RAPGEF3: variants seen among roughly 807,000 people sequenced by gnomAD.
The protein encoded by RAPGEF3 is Rap guanine nucleotide exchange factor 3, also known as 9330170P05Rik.
In RAPGEF3, 103 loss-of-function variants were observed where a neutral mutation model predicts 129.8. The ratio of observed to expected loss-of-function variants is 0.79; its 90% confidence interval spans 0.68 to 0.93. The LOEUF (loss-of-function observed/expected upper bound fraction) is 0.93, where lower values mean the gene tolerates loss of function less well. RAPGEF3 is among the 40% of genes least tolerant of loss of function. The pLI is 0.00. For missense variants in RAPGEF3, 1,117 were observed against 1,207.4 expected (o/e 0.93, Z 1.11); for synonymous variants, 436 against 482.6 (o/e 0.90, Z 1.26).
At chr12:47,755,346 A>C (rs768728216) in intron 2 of RAPGEF3, among the ~76,000 whole-genome samples, 1 of 152,220 alleles carries the variant, frequency 6.6e-6, no homozygotes, top group South Asian at 2.1e-4. Context: ...ACCTCTTTCA[A>C]TAATGTCTGG....
chr12:47,744,400 C>A, intron 16 of RAPGEF3: 1 of 327,816 alleles, frequency 3.1e-6, no homozygotes, highest in Non-Finnish European at 5.7e-6. Flanking sequence ...CTCCAGCTAC[C>A]ATTTGCTACA....
intron 21 of RAPGEF3, 21 bp downstream of exon 21, chr12:47,740,621 A>G (rs768817659): frequency 1.2e-6 from 2 of 1,612,238 alleles, no homozygotes; most frequent in South Asian, 2.2e-5. Context: ...GCCACGCCCT[A>G]CCCACTGGAC....
rs770668800 is a variant in RAPGEF3, at chr12:47,749,338, A to G, written c.1041+52T>C. 1.2e-5 allele frequency: 20 copies of G among 1,602,062 alleles called. No individual in the cohort carries two copies. The highest frequency in any genetic ancestry group is 1.7e-5 in the Non-Finnish European group (20 of 1,177,242). ...CTCTGGTCCCTACTCCTCTCTCCAC[A>G]TCACTTCTCTGGACGAATGGCCCCT... On this transcript the variant is annotated intron_variant, in intron 10 of 27. Transcript: ENST00000449771. The surrounding 1 kb of genome is among the most constrained non-coding windows in gnomAD (Gnocchi z 4.5).
At chr12:47,758,389 T>G in intron 1 of RAPGEF3, 162 bp downstream of exon 1, 3 of 1,519,202 alleles carry the variant, frequency 2.0e-6, no homozygotes, top group Non-Finnish European at 2.7e-6. Context: ...TATGAAGCTA[T>G]AGATTCACTA....
chr12:47,758,600 G>C lies in RAPGEF3; in HGVS notation c.-44C>G. 1 of 1,612,548 alleles carries C rather than the reference G, an allele frequency of 6.2e-7. No individual in the cohort carries two copies. The highest frequency in any genetic ancestry group is 1.3e-5 in the African/African-American group (1 of 74,980). On this transcript the variant is annotated 5_prime_UTR_variant, in exon 1 of 28. Transcript: ENST00000449771. Reference sequence around the variant, plus strand: ...ACAGCCGTGCAGGCTCTAGCAAAAGGCTGGGGGGTCCCCAGCGACCCCCAT... The same window carrying C: ...ACAGCCGTGCAGGCTCTAGCAAAAGCCTGGGGGGTCCCCAGCGACCCCCAT...
At position 47,747,624 on chromosome 12, in the gene RAPGEF3, TTTC is replaced by T; in HGVS notation, c.1474-1_1475del. 1 of 1,613,090 alleles carries T rather than the reference TTTC, an allele frequency of 6.2e-7. No individual in the cohort carries two copies. Among genetic ancestry groups the T allele is most frequent in the Non-Finnish European group, 8.5e-7 (1 of 1,179,540 alleles). On this transcript the variant is annotated splice_acceptor_variant and coding_sequence_variant, in exon 15 of 28. Coordinates refer to ENST00000449771, the MANE Select transcript of RAPGEF3 (RefSeq NM_001098531.4). LOFTEE classifies it high-confidence loss of function. Reference sequence around the variant, plus strand: ...TGTCCCTGCCCACCAGGTCTGAGAGTTTCTAAGAAGAGCCAAGATTCACTGAGA... The same window carrying T: ...TGTCCCTGCCCACCAGGTCTGAGAGTTAAGAAGAGCCAAGATTCACTGAGA...
rs1248520768 is a variant in RAPGEF3 at position 47,736,146 on chromosome 12, G to A, written c.*1421C>T. 3 of 152,284 alleles carry A rather than the reference G, an allele frequency of 2.0e-5. No individual in the cohort carries two copies. Among genetic ancestry groups the A allele is most frequent in the Admixed American group, 2.0e-4 (3 of 15,292 alleles). 9.4% of individuals were successfully genotyped at this position (152,284 alleles called of 1,614,324 possible). Reference sequence around the variant, plus strand: ...ATACCTGGCTTACAGGTGGAGAAATGAAGGAAGAGAACTGTTCACTGACTT... The same window carrying A: ...ATACCTGGCTTACAGGTGGAGAAATAAAGGAAGAGAACTGTTCACTGACTT... On this transcript the variant is annotated 3_prime_UTR_variant, in exon 28 of 28. Coordinates refer to ENST00000449771, the MANE Select transcript of RAPGEF3 (RefSeq NM_001098531.4).
At chr12:47,752,031 C>T in intron 2 of RAPGEF3, 62 bp from the exon 3 acceptor site, 2 of 1,548,728 alleles carry the variant, frequency 1.3e-6, no homozygotes, top group East Asian at 2.3e-5. Context: ...CTCTTGGATA[C>T]CTCCCCTCCC....
At position 47,749,853 on chromosome 12, in the gene RAPGEF3, C is replaced by A. The variant is rs2136789447; in HGVS notation, c.818-36G>T. 1 of 1,614,060 alleles carries A rather than the reference C, an allele frequency of 6.2e-7. No individual in the cohort carries two copies. The highest frequency in any genetic ancestry group is 2.2e-5 in the East Asian group (1 of 44,892). ...CATACCTCAGACCGGGCCCTCCTGGCACCTACCATTCCTTCACACATCCTT... is the reference window on the plus strand; with the variant it reads ...CATACCTCAGACCGGGCCCTCCTGGAACCTACCATTCCTTCACACATCCTT... On this transcript the variant is annotated intron_variant, in intron 8 of 27. Transcript: ENST00000449771. This position sits in a 1 kb window ranked among gnomAD's most constrained non-coding sequence, Gnocchi z 4.5.
Position 47,744,032 on chromosome 12 carries a change from C to A in RAPGEF3, c.1633G>T (p.Glu545Ter). The A allele has an allele frequency of 2.5e-6, 4 of 1,612,282 alleles. No homozygotes were observed. The highest frequency in any genetic ancestry group is 3.4e-6 in the Non-Finnish European group (4 of 1,178,416). ...NLPVWLPNQD[E>*]PLPGSSCAIQ... ...GCACAGCTGCTGCCAGGAAGGGGCT[C>A]GTCCTGGTTGGGGAGCCAAACAGGC... is the stretch of plus-strand genomic sequence containing the variant. Residue 545 changes from glutamate (E) to a stop codon, truncating the protein, a stop_gained, in exon 17 of 28, where the codon GAG becomes TAG. Transcript: ENST00000449771. LOFTEE classifies it high-confidence loss of function.
Position 47,740,178 on chromosome 12 carries a change from TTGTG to T in RAPGEF3, c.2332_2335del (p.His778LysfsTer44), listed in dbSNP as rs1941057632. Reference sequence around the variant, plus strand: ...GAGGGCGGAGTACAGCTTCCGGACTTTGTGAGGCAGCCGCTGTGAAAAGGAGGCA... The same window carrying T: ...GAGGGCGGAGTACAGCTTCCGGACTTAGGCAGCCGCTGTGAAAAGGAGGCA... On this transcript the variant is annotated frameshift_variant, in exon 23 of 28. Transcript: ENST00000449771. LOFTEE classifies it high-confidence loss of function. 1 of 1,613,486 alleles carries T rather than the reference TTGTG, an allele frequency of 6.2e-7. No individual in the cohort carries two copies. Among genetic ancestry groups the T allele is most frequent in the African/African-American group, 1.3e-5 (1 of 74,952 alleles).
rs544278099 is a variant in RAPGEF3 at position 47,751,537 on chromosome 12, G to A, written c.381-17C>T. On this transcript the variant is annotated splice_polypyrimidine_tract_variant and intron_variant, in intron 4 of 27. Transcript: ENST00000449771. The stretch of plus-strand genomic sequence containing the variant: ...CAGCACTGCCTATGGAAGGTAGAAG[G>A]GGACAGGCCAGTGGAAGGAGGGTGG... 2 of 1,614,130 alleles carry A rather than the reference G, an allele frequency of 1.2e-6. No homozygotes were observed. The highest frequency in any genetic ancestry group is 1.7e-5 in the Admixed American group (1 of 60,028).
chr12:47,746,971 C>T (rs1235894504), intron 15 of RAPGEF3, 72 bp from the exon 16 acceptor site: 1 of 1,439,538 alleles, frequency 6.9e-7, no homozygotes, highest in African/African-American at 1.4e-5. Context: ...GCCCTTGGGG[C>T]TCTGGATTCT....
intron 15 of RAPGEF3, 120 bp from the exon 16 acceptor site, chr12:47,747,019 C>G (rs1388035786): frequency 1.1e-6 from 1 of 924,318 alleles, no homozygotes; most frequent in African/African-American, 1.7e-5. Flanking sequence ...TAAGCACGAC[C>G]AGGTAAGTAT....
At chr12:47,758,521 C>G in intron 1 of RAPGEF3, 30 bp downstream of exon 1, 1 of 1,612,496 alleles carries the variant, frequency 6.2e-7, no homozygotes, top group Non-Finnish European at 8.5e-7. Flanking sequence ...CTCTCCTGCT[C>G]CTCCTCAACC....
chr12:47,748,677 G>T, intron 11 of RAPGEF3, 135 bp from the exon 12 acceptor site: 2 of 1,018,294 alleles, frequency 2.0e-6, no homozygotes, highest in Non-Finnish European at 3.0e-6. Context: ...GAGGAGACTG[G>T]CTCAGCAGGC....
intron 17 of RAPGEF3, 84 bp from the exon 18 acceptor site, chr12:47,743,760 TG>T: frequency 6.5e-7 from 1 of 1,535,370 alleles, no homozygotes; most frequent in Admixed American, 1.8e-5. Context: ...GCAGTAATGG[TG>T]GGAGGGATCC....
chr12:47,751,988 G>T lies in RAPGEF3; in HGVS notation c.220-19C>A. On this transcript the variant is annotated intron_variant, in intron 2 of 27. Transcript: ENST00000449771. ...GTGGTGTCTGGGGGCAGCAGGGAAA[G>T]CGTGCACATCAGTGTGAGGTCTTCA... 6.2e-7 allele frequency: 1 copy of T among 1,613,914 alleles called. No homozygotes were observed. Among genetic ancestry groups the T allele is most frequent in the Non-Finnish European group, 8.5e-7 (1 of 1,179,788 alleles).
intron 11 of RAPGEF3, 68 bp downstream of exon 11, chr12:47,748,751 G>A: frequency 1.6e-6 from 2 of 1,272,908 alleles, no homozygotes; most frequent in South Asian, 1.2e-5. Flanking sequence ...ATGACACAGG[G>A]GAAGGGAGCA....
Sources: allele counts gnomAD v4.1 joint callset (sites outside exome capture counted in the v4.1 genomes callset), GRCh38; gene constraint gnomAD v4.1.1; non-coding constraint Gnocchi (gnomAD v3.1); transcripts MANE v1.5; gene names NCBI Gene and HGNC (gene_info 2026-07-23, HGNC 2026-07-21).